The following C1QTNF3 variants were observed in gnomAD, a reference collection of about 807,000 sequenced individuals.
C1QTNF3 encodes the protein C1q and TNF related 3.
A neutral mutation model predicts 32.6 loss-of-function variants in C1QTNF3; 26 were observed. The observed-to-expected ratio is 0.80, with a 90% CI of 0.58 to 1.11. C1QTNF3 has a LOEUF of 1.11. Among genes scored for constraint, C1QTNF3 ranks in the 50% least tolerant of loss-of-function variants. C1QTNF3 has a pLI of 0.00. For missense variants in C1QTNF3, 362 were observed against 398.2 expected (o/e 0.91, Z 0.77); for synonymous variants, 155 against 146.0 (o/e 1.06, Z -0.44).
At chr5:34,223,614 G>A in the C1QTNF3 span, among the ~76,000 whole-genome samples, 2 of 151,814 alleles carry the variant, frequency 1.3e-5, no homozygotes, top group South Asian at 4.2e-4. Flanking sequence ...CACAATGGTC[G>A]AACTAGTTTA....
the C1QTNF3 span, among the ~76,000 whole-genome samples, chr5:34,078,714 G>T: frequency 6.6e-6 from 1 of 151,644 alleles, no homozygotes; most frequent in Non-Finnish European, 1.5e-5. This position sits in a 1 kb window ranked among gnomAD's most constrained non-coding sequence, Gnocchi z 4.0. Flanking sequence ...TTCAGCTATA[G>T]AACTGTAGGC....
At chr5:34,113,495 C>A in the C1QTNF3 span, among the ~76,000 whole-genome samples, 1 of 151,862 alleles carries the variant, frequency 6.6e-6, no homozygotes, top group South Asian at 2.1e-4. Context: ...CACTCTACTG[C>A]AGATAGCAAC....
At chr5:34,138,460 A>G in the C1QTNF3 span, among the ~76,000 whole-genome samples, 1 of 152,116 alleles carries the variant, frequency 6.6e-6, no homozygotes, top group Non-Finnish European at 1.5e-5. Flanking sequence ...CTTACAGCTT[A>G]GATAGAAACT....
chr5:34,224,145 TA>T, the C1QTNF3 span, among the ~76,000 whole-genome samples: 4 of 152,058 alleles, frequency 2.6e-5, no homozygotes, highest in Non-Finnish European at 5.9e-5. Flanking sequence ...CTCAATGAAA[TA>T]AAAGAGGATA....
the C1QTNF3 span, among the ~76,000 whole-genome samples, chr5:34,086,779 G>A: frequency 2.7e-5 from 4 of 149,134 alleles, no homozygotes; most frequent in African/African-American, 9.8e-5. Flanking sequence ...TTGGAGTAAC[G>A]TAATCTAGCC....
chr5:34,155,890 T>C, the C1QTNF3 span, among the ~76,000 whole-genome samples: 1 of 152,144 alleles, frequency 6.6e-6, no homozygotes, highest in Non-Finnish European at 1.5e-5. Flanking sequence ...TGTACTAAAA[T>C]ACTTTTAAAT....
the C1QTNF3 span, among the ~76,000 whole-genome samples, chr5:34,058,282 G>C: frequency 6.6e-6 from 1 of 151,866 alleles, no homozygotes; most frequent in East Asian, 1.9e-4. Flanking sequence ...TGAAGACCAC[G>C]TGCTCCTGAA....
chr5:34,217,603 AC>A, the C1QTNF3 span, among the ~76,000 whole-genome samples: 3 of 152,254 alleles, frequency 2.0e-5, no homozygotes, highest in Middle Eastern at 0.01. Flanking sequence ...CAGAAGTTTC[AC>A]ACGGCTTATG....
At chr5:34,154,596 T>C in the C1QTNF3 span, among the ~76,000 whole-genome samples, 8 of 152,184 alleles carry the variant, frequency 5.3e-5, no homozygotes, top group African/African-American at 1.7e-4. Flanking sequence ...GTCAAATCAA[T>C]TGAATAAATA....
chr5:34,132,784 C>T, the C1QTNF3 span, among the ~76,000 whole-genome samples: 74 of 152,136 alleles, frequency 4.9e-4, no homozygotes, highest in Non-Finnish European at 9.3e-4. Context: ...TCTCCGATAT[C>T]TTCCTTTCTC....
chr5:34,174,998 C>T, the C1QTNF3 span, among the ~76,000 whole-genome samples: 3 of 151,660 alleles, frequency 2.0e-5, no homozygotes, highest in Non-Finnish European at 2.9e-5. Context: ...CTGCCTGCCT[C>T]AGCCTCCCAA....
At chr5:34,201,727 T>C in the C1QTNF3 span, among the ~76,000 whole-genome samples, 2 of 152,198 alleles carry the variant, frequency 1.3e-5, no homozygotes, top group African/African-American at 4.8e-5. Flanking sequence ...CAAAACATCA[T>C]TTAAGTGCTA....
At chr5:34,110,734 C>A in the C1QTNF3 span, among the ~76,000 whole-genome samples, 1 of 151,904 alleles carries the variant, frequency 6.6e-6, no homozygotes, top group Non-Finnish European at 1.5e-5. Context: ...CTATCCTCTG[C>A]GGTCCTGGCT....
At chr5:34,205,609 T>C in the C1QTNF3 span, among the ~76,000 whole-genome samples, 2 of 152,082 alleles carry the variant, frequency 1.3e-5, no homozygotes, top group Non-Finnish European at 2.9e-5. Flanking sequence ...GGCTTCCCCA[T>C]CCTTGCTTCC....
At chr5:34,222,982 G>C in the C1QTNF3 span, among the ~76,000 whole-genome samples, 4 of 151,780 alleles carry the variant, frequency 2.6e-5, no homozygotes, top group Non-Finnish European at 4.4e-5. Context: ...GCATGGTGTA[G>C]TGCTATAATT....
chr5:34,033,727 C>G (rs1164484225), intron 2 of C1QTNF3, among the ~76,000 whole-genome samples: 1 of 152,092 alleles, frequency 6.6e-6, no homozygotes, highest in Admixed American at 6.5e-5. Context: ...TTTAAAATAG[C>G]AAAGATTGGA....
At chr5:34,233,028 T>C in the C1QTNF3 span, among the ~76,000 whole-genome samples, 1 of 150,594 alleles carries the variant, frequency 6.6e-6, no homozygotes, top group Non-Finnish European at 1.5e-5. Flanking sequence ...TAGTATTCAG[T>C]AATAAACATT....
chr5:34,168,232 T>C, the C1QTNF3 span: 1 of 152,100 alleles, frequency 6.6e-6, no homozygotes, highest in African/African-American at 2.4e-5. Flanking sequence ...GATAAGAGTA[T>C]ATTTTACCTA....
chr5:34,046,874 A>C (rs777369693), upstream of C1QTNF3, among the ~76,000 whole-genome samples: 19 of 152,218 alleles, frequency 1.2e-4, no homozygotes, highest in Non-Finnish European at 1.8e-4. Flanking sequence ...CAGTAAGTAG[A>C]AAACTGGGCC....
Sources: allele counts gnomAD v4.1 joint callset (sites outside exome capture counted in the v4.1 genomes callset), GRCh38; gene constraint gnomAD v4.1.1; non-coding constraint Gnocchi (gnomAD v3.1); transcripts MANE v1.5; gene names NCBI Gene and HGNC (gene_info 2026-07-23, HGNC 2026-07-21).